Variants in MGAT4C observed in about 807,000 individuals in gnomAD.
The protein encoded by MGAT4C is MGAT4 family member C.
A neutral mutation model predicts 40.1 loss-of-function variants in MGAT4C; 19 were observed. The ratio of observed to expected loss-of-function variants is 0.47; its 90% CI spans 0.33 to 0.70. MGAT4C has a LOEUF of 0.70. MGAT4C is among the 30% of genes least tolerant of loss of function. The pLI, the probability that MGAT4C is intolerant of heterozygous loss-of-function variation, is 0.02. For missense variants in MGAT4C, 491 were observed against 563.2 expected (o/e 0.87, Z 1.30); for synonymous variants, 181 against 187.1 (o/e 0.97, Z 0.27).
intron 1 of MGAT4C, among the ~76,000 whole-genome samples, chr12:86,196,397 C>T (rs1002125341): frequency 6.6e-6 from 1 of 152,208 alleles, no homozygotes; most frequent in Non-Finnish European, 1.5e-5. Flanking sequence ...ATCCCTGTGG[C>T]CTGGGCAGCC....
At chr12:86,445,439 A>G (rs552463921) in intron 2 of MGAT4C, among the ~76,000 whole-genome samples, 1 of 152,318 alleles carries the variant, frequency 6.6e-6, no homozygotes, top group African/African-American at 2.4e-5. Flanking sequence ...AAATTCATAT[A>G]CAACTGAAAG....
chr12:86,144,610 A>AT (rs1883271170), intron 1 of MGAT4C, among the ~76,000 whole-genome samples: 1 of 152,194 alleles, frequency 6.6e-6, no homozygotes, highest in Admixed American at 6.5e-5. Flanking sequence ...CTGCAGATTC[A>AT]TTTTATCAGG....
At chr12:86,049,142 C>T (rs573161201) in intron 2 of MGAT4C, among the ~76,000 whole-genome samples, 2 of 151,948 alleles carry the variant, frequency 1.3e-5, no homozygotes, top group Admixed American at 6.6e-5. Flanking sequence ...ACTTATAATA[C>T]AATAATAAAA....
intron 3 of MGAT4C, among the ~76,000 whole-genome samples, chr12:86,403,652 T>C (rs1250817297): frequency 6.6e-6 from 1 of 152,198 alleles, no homozygotes; most frequent in African/African-American, 2.4e-5. Context: ...AGAGAAGTAA[T>C]AGCAACACAT....
rs199787850 is a variant in MGAT4C at position 86,716,574 on chromosome 12, G to A, written c.-229+10635C>T. ...CCTTTCCCTTCTGAAAAATGAAGGG[G>A]GTAAACTCATTGAGAAGTTATTAAT... On this transcript the variant is annotated intron_variant, in intron 2 of 7. Transcript: ENST00000548651. Among the ~76,000 whole-genome samples, 9 of 152,090 alleles carry A rather than the reference G, an allele frequency of 5.9e-5. No individual in the cohort carries two copies. In the East Asian group the frequency reaches 1.5e-3, roughly 26 times the overall value.
At chr12:86,475,363 T>C (rs1256553844) in intron 2 of MGAT4C, among the ~76,000 whole-genome samples, 1 of 151,922 alleles carries the variant, frequency 6.6e-6, no homozygotes, top group Admixed American at 6.6e-5. Flanking sequence ...ACTGGAAAAA[T>C]AATTGACAAA....
intron 1 of MGAT4C, among the ~76,000 whole-genome samples, chr12:86,180,935 T>C (rs956495802): frequency 3.3e-5 from 5 of 152,000 alleles, no homozygotes; most frequent in Non-Finnish European, 7.4e-5. Context: ...TTGGAGGGGT[T>C]GGGATGGAAT....
intron 1 of MGAT4C, among the ~76,000 whole-genome samples, chr12:86,218,552 A>G (rs1247558985): frequency 2.0e-5 from 3 of 152,116 alleles, no homozygotes; most frequent in Non-Finnish European, 1.5e-5. Context: ...TTTGAGTTCT[A>G]TTTGTATGGA....
chr12:86,205,542 C>T (rs1566143057), intron 1 of MGAT4C, among the ~76,000 whole-genome samples: 1 of 151,386 alleles, frequency 6.6e-6, no homozygotes, highest in Non-Finnish European at 1.5e-5. Flanking sequence ...TTTATTGTAA[C>T]CAGAAATTAG....
chr12:86,502,777 GAGTTCTGCTCATATATATGTATACAC>G (rs1361924548), intron 2 of MGAT4C, among the ~76,000 whole-genome samples: 1 of 121,492 alleles, frequency 8.2e-6, no homozygotes. Context: ...ATGTATACAC[GAGTTCTGCTCATATATATGTATACAC>G]GAGTTCTGCT....
At chr12:86,278,779 GT>G (rs1170491757) in intron 4 of MGAT4C, among the ~76,000 whole-genome samples, 1 of 151,830 alleles carries the variant, frequency 6.6e-6, no homozygotes, top group Non-Finnish European at 1.5e-5. Context: ...CACGCTTTCT[GT>G]TTTTCCCCAT....
At chr12:86,707,686 G>T (rs542069410) in intron 2 of MGAT4C, among the ~76,000 whole-genome samples, 1 of 151,708 alleles carries the variant, frequency 6.6e-6, no homozygotes, top group Non-Finnish European at 1.5e-5. Flanking sequence ...ACATGCTGCC[G>T]TACCATGCTA....
At chr12:86,709,660 C>T (rs1235778880) in intron 2 of MGAT4C, among the ~76,000 whole-genome samples, 1 of 152,076 alleles carries the variant, frequency 6.6e-6, no homozygotes, top group Non-Finnish European at 1.5e-5. Flanking sequence ...GTGATCCCCC[C>T]ACCTTGGCCT....
chr12:86,101,638 G>A (rs1454207213), intron 1 of MGAT4C, among the ~76,000 whole-genome samples: 1 of 151,790 alleles, frequency 6.6e-6, no homozygotes, highest in African/African-American at 2.4e-5. Flanking sequence ...ATCACAGTGG[G>A]TACTTTACAA....
intron 1 of MGAT4C, among the ~76,000 whole-genome samples, chr12:86,139,896 TA>T (rs1296645582): frequency 6.6e-6 from 1 of 152,200 alleles, no homozygotes; most frequent in Non-Finnish European, 1.5e-5. Context: ...ATCCAGCAGT[TA>T]CTATGACCTT....
intron 1 of MGAT4C, among the ~76,000 whole-genome samples, chr12:86,821,291 T>C (rs1952701524): frequency 6.6e-6 from 1 of 150,860 alleles, no homozygotes; most frequent in Non-Finnish European, 1.5e-5. Flanking sequence ...TGTATATAGG[T>C]TGCACTGATA....
intron 2 of MGAT4C, among the ~76,000 whole-genome samples, chr12:86,662,582 G>T (rs1964006810): frequency 6.6e-6 from 1 of 152,102 alleles, no homozygotes; most frequent in African/African-American, 2.4e-5. Context: ...CTTACTGATT[G>T]TGATTTTTTT....
At chr12:86,763,587 A>G (rs560232240) in intron 1 of MGAT4C, among the ~76,000 whole-genome samples, 1 of 152,338 alleles carries the variant, frequency 6.6e-6, no homozygotes, top group Non-Finnish European at 1.5e-5. Context: ...AAAATAATTC[A>G]TAATGATTCT....
intron 2 of MGAT4C, among the ~76,000 whole-genome samples, chr12:86,037,176 C>A (rs1891318972): frequency 6.7e-6 from 1 of 149,930 alleles, no homozygotes; most frequent in African/African-American, 2.4e-5. Context: ...TGATTCTTCT[C>A]TCTTTTCTTC....
Sources: allele counts gnomAD v4.1 joint callset (sites outside exome capture counted in the v4.1 genomes callset), GRCh38; gene constraint gnomAD v4.1.1; transcripts MANE v1.5; gene names NCBI Gene and HGNC (gene_info 2026-07-23, HGNC 2026-07-21).